ARFIP1: variants seen among roughly 807,000 people sequenced by gnomAD.
ARFIP1 encodes arfaptin-1.
ARFIP1 carries 24 observed loss-of-function variants against 42.5 expected under a neutral mutation model. The ratio of observed to expected loss-of-function variants is 0.57; its 90% CI spans 0.41 to 0.80. ARFIP1 has a LOEUF of 0.80. ARFIP1 is among the 30% of genes least tolerant of loss of function. ARFIP1 has a pLI of 0.00. For synonymous variants in ARFIP1, 141 were observed against 153.7 expected, an observed-to-expected ratio of 0.92 and a Z score of 0.61; for missense variants, 354 against 434.0, an observed-to-expected ratio of 0.82 and a Z score of 1.64.
At position 152,888,283 on chromosome 4, in the gene ARFIP1, A is replaced by G. The variant is rs564750261; in HGVS notation, c.942A>G (p.Lys314=). ...YDKMRNDVSV[K]LKFLEENKVK... ...AAATGCGCAATGATGTTTCTGTCAAATTGAAATTTCTAGAAGAAAATAAGG... is the reference window on the plus strand; with the variant it reads ...AAATGCGCAATGATGTTTCTGTCAAGTTGAAATTTCTAGAAGAAAATAAGG... Residue 314 remains lysine (K), a synonymous_variant, in exon 8 of 9, where the codon AAA becomes AAG. Transcript: ENST00000353617. The G allele has an allele frequency of 3.1e-6, 5 of 1,606,416 alleles. No homozygotes were observed. In the South Asian group the frequency reaches 5.6e-5, roughly 18 times the overall value.
chr4:152,787,958 G>A (rs565186193), intron 1 of ARFIP1, among the ~76,000 whole-genome samples: 21 of 152,356 alleles, frequency 1.4e-4, no homozygotes, highest in Non-Finnish European at 2.8e-4. Flanking sequence ...GGGCACAGTG[G>A]CTCACGCCTG....
chr4:152,804,266 T>C (rs1728752508), intron 1 of ARFIP1, among the ~76,000 whole-genome samples: 1 of 92,690 alleles, frequency 1.1e-5, no homozygotes, highest in African/African-American at 4.8e-5. Flanking sequence ...ATGTATTATA[T>C]ATTATATATA....
chr4:152,875,804 A>G (rs888050612), intron 5 of ARFIP1, among the ~76,000 whole-genome samples: 1 of 151,008 alleles, frequency 6.6e-6, no homozygotes, highest in African/African-American at 2.4e-5. Context: ...CTCCAGTTGT[A>G]TCTCCTAGAA....
intron 2 of ARFIP1, among the ~76,000 whole-genome samples, chr4:152,842,780 T>G (rs954799639): frequency 6.6e-6 from 1 of 152,194 alleles, no homozygotes; most frequent in African/African-American, 2.4e-5. Context: ...TTGTTTTTCC[T>G]TTATACTATC....
chr4:152,848,944 G>C (rs1368088122), intron 2 of ARFIP1, among the ~76,000 whole-genome samples: 1 of 152,130 alleles, frequency 6.6e-6, no homozygotes, highest in Non-Finnish European at 1.5e-5. Context: ...ATAATGATTT[G>C]ATGGGGGCTT....
intron 2 of ARFIP1, among the ~76,000 whole-genome samples, chr4:152,831,838 G>A (rs777255304): frequency 9.2e-5 from 14 of 151,930 alleles, no homozygotes; most frequent in Non-Finnish European, 1.6e-4. Context: ...AGGTATACAT[G>A]TGCCATGGTG....
chr4:152,783,428 G>A (rs1730620192), intron 1 of ARFIP1, among the ~76,000 whole-genome samples: 1 of 152,200 alleles, frequency 6.6e-6, no homozygotes. Flanking sequence ...TGCTTACCAT[G>A]TGCATTAAGC....
intron 2 of ARFIP1, among the ~76,000 whole-genome samples, chr4:152,835,000 T>G (rs1298315468): frequency 2.0e-5 from 3 of 152,198 alleles, no homozygotes; most frequent in Non-Finnish European, 4.4e-5. Flanking sequence ...ATACTGGGTC[T>G]GGCCCACAAA....
intron 1 of ARFIP1, chr4:152,796,898 G>A (rs1731503713): frequency 2.5e-6 from 1 of 393,774 alleles, no homozygotes; most frequent in Admixed American, 4.5e-5. Flanking sequence ...CTTTACCTTT[G>A]TTTTTAAGAA....
At chr4:152,806,324 T>C (rs1023400080) in intron 1 of ARFIP1, among the ~76,000 whole-genome samples, 1 of 152,166 alleles carries the variant, frequency 6.6e-6, no homozygotes, top group African/African-American at 2.4e-5. Flanking sequence ...ATGACAAACT[T>C]CTTTTGCTGC....
intron 2 of ARFIP1, 123 bp from the exon 3 acceptor site, chr4:152,863,483 G>C (rs1425836124): frequency 8.8e-6 from 5 of 570,342 alleles, no homozygotes; most frequent in Non-Finnish European, 1.6e-5. Flanking sequence ...TAGCATAAGG[G>C]AATACCGCAT....
chr4:152,827,730 C>T (rs1337590443), intron 1 of ARFIP1, among the ~76,000 whole-genome samples: 1 of 152,108 alleles, frequency 6.6e-6, no homozygotes, highest in Non-Finnish European at 1.5e-5. Flanking sequence ...GGCTGGAGTA[C>T]AGTGTTGTGA....
At chr4:152,851,940 T>C (rs1733019022) in intron 2 of ARFIP1, among the ~76,000 whole-genome samples, 1 of 152,246 alleles carries the variant, frequency 6.6e-6, no homozygotes. Context: ...AAGCTATTAC[T>C]ACAAATATTA....
intron 1 of ARFIP1, among the ~76,000 whole-genome samples, chr4:152,801,687 C>A (rs1414863758): frequency 6.6e-6 from 1 of 152,146 alleles, no homozygotes; most frequent in Non-Finnish European, 1.5e-5. Context: ...TGATTGTGGT[C>A]TGTTTTAGAA....
At chr4:152,809,105 C>T (rs1157397710) in intron 1 of ARFIP1, among the ~76,000 whole-genome samples, 1 of 152,092 alleles carries the variant, frequency 6.6e-6, no homozygotes, top group Non-Finnish European at 1.5e-5. Flanking sequence ...CCTTAAATAA[C>T]AGTAGGTGTT....
chr4:152,895,614 A>G lies in ARFIP1; in HGVS notation c.966+7307A>G, dbSNP rs942303521. ...GTTGTTCTGTCATCCAGGCTAGAGT[A>G]TAGTGGTGTGATCATGGCTCACTGC... On this transcript the variant is annotated intron_variant, in intron 8 of 8. Transcript: ENST00000353617. 9.1e-5 allele frequency among the ~76,000 whole-genome samples: 12 copies of G among 132,338 alleles called. No individual in the cohort carries two copies. The South Asian group carries it at 2.6e-3, about 29-fold the overall frequency. 86.8% of individuals were successfully genotyped at this position (132,338 alleles called of 152,430 possible). A position where few individuals can be genotyped will look rare whatever the true frequency, so the allele number is the denominator to read the frequency against.
chr4:152,865,335 C>T (rs1000815924), intron 3 of ARFIP1, among the ~76,000 whole-genome samples: 1 of 152,060 alleles, frequency 6.6e-6, no homozygotes, highest in Non-Finnish European at 1.5e-5. Flanking sequence ...CGGGGTTTCA[C>T]TATGTTGGCC....
intron 1 of ARFIP1, among the ~76,000 whole-genome samples, chr4:152,820,775 A>G (rs761672485): frequency 6.6e-6 from 1 of 152,176 alleles, no homozygotes. Context: ...AGATTTGGGC[A>G]GGGACACAAA....
chr4:152,890,815 T>A (rs1434963950), intron 8 of ARFIP1, among the ~76,000 whole-genome samples: 1 of 152,192 alleles, frequency 6.6e-6, no homozygotes, highest in African/African-American at 2.4e-5. Context: ...TGGAAGTCAT[T>A]GCTTTAAGAA....
Sources: gnomAD v4.1 joint callset for allele counts (sites outside exome capture counted in the v4.1 genomes callset) on GRCh38, gnomAD v4.1.1 for gene constraint, MANE v1.5 for transcripts, NCBI Gene and HGNC (gene_info 2026-07-23, HGNC 2026-07-21) for gene names.